UBR1: variants seen among roughly 807,000 people sequenced by gnomAD.
The protein encoded by UBR1 is ubiquitin protein ligase E3 component n-recognin 1.
Under a neutral mutation model 242.1 loss-of-function variants are expected in UBR1, and 102 were observed. The ratio of observed to expected loss-of-function variants is 0.42; its 90% CI spans 0.36 to 0.50. The LOEUF (loss-of-function observed/expected upper bound fraction) is 0.50. Among genes scored for constraint, UBR1 ranks in the 20% least tolerant of loss-of-function variants. UBR1 has a pLI of 0.01. For synonymous variants in UBR1, 675 were observed against 684.8 expected (o/e 0.99, Z 0.22); for missense variants, 1,772 against 2,101.8 (o/e 0.84, Z 3.07).
At chr15:42,970,423 T>G in intron 40 of UBR1, 97 bp downstream of exon 40, 1 of 1,307,958 alleles carries the variant, frequency 7.6e-7, no homozygotes, top group Non-Finnish European at 1.1e-6. Context: ...CTGATTATTT[T>G]TAACTGGAAT....
At chr15:42,971,189 T>C (rs2032201402) in intron 39 of UBR1, among the ~76,000 whole-genome samples, 1 of 152,212 alleles carries the variant, frequency 6.6e-6, no homozygotes, top group African/African-American at 2.4e-5. Context: ...GGAAATAAAT[T>C]GTTATCAACC....
At position 43,003,848 on chromosome 15, in the gene UBR1, C is replaced by T. The variant is rs2141286219; in HGVS notation, c.3498G>A (p.Val1166=). 1.2e-6 allele frequency: 2 copies of T among 1,614,126 alleles called. No individual in the cohort carries two copies. Among genetic ancestry groups the T allele is most frequent in the Middle Eastern group, 1.6e-4 (1 of 6,062 alleles). Residue 1166 remains valine, a synonymous_variant, in exon 31 of 47, where the codon GTG becomes GTA. Transcript: ENST00000290650. Reference sequence around the variant, plus strand: ...GAAGGACAACTTACTTCTGCCAGCACACTGCGTGCATTACATGACCACAGC... The same window carrying T: ...GAAGGACAACTTACTTCTGCCAGCATACTGCGTGCATTACATGACCACAGC... ...TGSCGHVMHA[V]CWQKYFEAVQ... is the part of the protein sequence containing the mutation.
chr15:43,027,856 T>C, intron 21 of UBR1, 28 bp from the exon 22 acceptor site: 1 of 1,572,234 alleles, frequency 6.4e-7, no homozygotes, highest in South Asian at 1.1e-5. Flanking sequence ...TTGTCATTTT[T>C]ACCTTCATAT....
At chr15:43,000,373 C>T (rs2032705034) in intron 32 of UBR1, among the ~76,000 whole-genome samples, 2 of 152,158 alleles carry the variant, frequency 1.3e-5, no homozygotes, top group Middle Eastern at 3.2e-3. Context: ...GCATCTGATC[C>T]TTAAAGTCAT....
intron 6 of UBR1, among the ~76,000 whole-genome samples, chr15:43,063,185 G>A (rs1258824654): frequency 2.0e-5 from 3 of 152,164 alleles, no homozygotes; most frequent in African/African-American, 7.2e-5. Context: ...CAACCTATCA[G>A]TAGATAGATT....
At chr15:43,029,699 G>A (rs1030346088) in intron 21 of UBR1, among the ~76,000 whole-genome samples, 1 of 152,118 alleles carries the variant, frequency 6.6e-6, no homozygotes, top group Non-Finnish European at 1.5e-5. Context: ...AGTTTCAGAA[G>A]TTCCCTTTCA....
In UBR1 at chr15:42,968,291, A is replaced by G. The variant is rs541474906; in HGVS notation, c.4458-2005T>C. 1.2e-3 allele frequency among the ~76,000 whole-genome samples: 180 copies of G among 152,222 alleles called. 3 individuals carry two copies. The Middle Eastern group carries it at 0.014, about 12-fold the overall frequency. ...TGGGTAGCTGTTATTCCAACCTACTATCTTTTACTTCAAAGTAAAATCATC... is the reference window on the plus strand; with the variant it reads ...TGGGTAGCTGTTATTCCAACCTACTGTCTTTTACTTCAAAGTAAAATCATC... On this transcript the variant is annotated intron_variant, in intron 40 of 46. Coordinates refer to ENST00000290650, the MANE Select transcript of UBR1 (RefSeq NM_174916.3).
At chr15:43,076,926 A>G (rs1241824396) in intron 3 of UBR1, among the ~76,000 whole-genome samples, 2 of 93,662 alleles carry the variant, frequency 2.1e-5, no homozygotes, top group African/African-American at 3.9e-5. Context: ...CCGCCCGGCC[A>G]GCCGCCCTAT....
At chr15:43,026,316 C>A in intron 23 of UBR1, 1 of 418,858 alleles carries the variant, frequency 2.4e-6, no homozygotes, top group South Asian at 2.9e-5. Flanking sequence ...TGATGAAGTC[C>A]ATGATGCTTG....
chr15:43,044,361 A>G (rs1230430734), intron 14 of UBR1, among the ~76,000 whole-genome samples: 1 of 152,250 alleles, frequency 6.6e-6, no homozygotes, highest in African/African-American at 2.4e-5. Context: ...GGTCTGAACT[A>G]GGGTGGGGCC....
intron 15 of UBR1, 151 bp downstream of exon 15, chr15:43,043,063 CT>C (rs2033439535): frequency 2.4e-6 from 2 of 818,940 alleles, no homozygotes; most frequent in African/African-American, 3.4e-5. Context: ...GTGACAGCTC[CT>C]TGAAGGACAG....
Position 43,047,252 on chromosome 15 carries a change from A to G in UBR1, c.1577T>C (p.Ile526Thr). ...AGCCTCCCAATCAGGATCCACTTCA[A>G]TGTGTTGCCCAACCTGTCTTCGGAT... ...EEIRRQVGQHIEVDPDWEAAI... is the reference protein window; with the variant it reads ...EEIRRQVGQHTEVDPDWEAAI... The change falls in exon 14 of 47, where the codon ATT becomes ACT. Residue 526 changes from isoleucine (I) to threonine (T), a missense_variant. This residue lies in a region of UBR1 where 734 missense variants were observed against 893.3 expected (regional missense o/e 0.82). Transcript: ENST00000290650. 1.9e-6 allele frequency: 3 copies of G among 1,614,202 alleles called. No individual in the cohort carries two copies. Among genetic ancestry groups the G allele is most frequent in the Non-Finnish European group, 2.5e-6 (3 of 1,180,028 alleles).
intron 43 of UBR1, 28 bp downstream of exon 43, chr15:42,960,617 G>A (rs771512779): frequency 1.7e-5 from 28 of 1,610,906 alleles, no homozygotes; most frequent in Non-Finnish European, 1.8e-5. Flanking sequence ...TGTGGATGAG[G>A]GAGAAAGGAT....
In UBR1 at chr15:43,024,925, A is replaced by G. The variant is rs1004285144; in HGVS notation, c.2643T>C (p.Leu881=). 15 of 1,614,072 alleles carry G rather than the reference A, an allele frequency of 9.3e-6. No individual in the cohort carries two copies. Among genetic ancestry groups the G allele is most frequent in the Non-Finnish European group, 1.2e-5 (14 of 1,180,030 alleles). ...TGTACATCATGATATCACAGTTGAG[A>G]AGGTTAATCACTTTGCTGAAAGCAG... ...FCPAFSKVIN[L]LNCDIMMYIL... is the part of the protein sequence containing the mutation. Residue 881 remains leucine, a synonymous_variant, in exon 25 of 47, where the codon CTT becomes CTC. Transcript: ENST00000290650.
chr15:42,946,340 C>A (rs1431960466), intron 46 of UBR1, among the ~76,000 whole-genome samples: 1 of 152,138 alleles, frequency 6.6e-6, no homozygotes, highest in East Asian at 1.9e-4. Flanking sequence ...GTTGGCCAGG[C>A]TAGTCTCGAA....
intron 14 of UBR1, among the ~76,000 whole-genome samples, chr15:43,043,911 G>A (rs1316434472): frequency 6.6e-6 from 1 of 152,116 alleles, no homozygotes; most frequent in African/African-American, 2.4e-5. Flanking sequence ...AAATGGTACA[G>A]ACTAATTGCT....
chr15:42,968,373 G>C (rs1425740288), intron 40 of UBR1, among the ~76,000 whole-genome samples: 1 of 151,060 alleles, frequency 6.6e-6, no homozygotes, highest in Non-Finnish European at 1.5e-5. Flanking sequence ...CATGCTAAAA[G>C]CCCTTAACAG....
intron 15 of UBR1, among the ~76,000 whole-genome samples, chr15:43,039,024 T>A (rs1372122016): frequency 1.3e-5 from 2 of 151,490 alleles, no homozygotes; most frequent in East Asian, 1.9e-4. Context: ...TTAACAAAAA[T>A]TTTTATTTTT....
chr15:42,958,244 T>C (rs1270871308), intron 43 of UBR1, among the ~76,000 whole-genome samples, 154 bp from the exon 44 acceptor site: 2 of 152,214 alleles, frequency 1.3e-5, no homozygotes, highest in Non-Finnish European at 2.9e-5. Context: ...AAATCCAAAC[T>C]TCTCAGCCTA....
Sources: allele counts gnomAD v4.1 joint callset (sites outside exome capture counted in the v4.1 genomes callset), GRCh38; gene constraint gnomAD v4.1.1; regional missense constraint gnomAD v4.1.1; transcripts MANE v1.5; gene names NCBI Gene and HGNC (gene_info 2026-07-23, HGNC 2026-07-21).